Variants in FARP2 observed in about 807,000 individuals in gnomAD.
FARP2 encodes the protein FERM, ARHGEF and pleckstrin domain-containing protein 2.
Under a neutral mutation model 130.5 loss-of-function variants are expected in FARP2, and 111 were observed. The observed-to-expected ratio is 0.85, with a 90% CI of 0.73 to 1.00. The LOEUF is 1.00. Ranked by LOEUF, FARP2 falls within the 50% of genes least tolerant of loss-of-function variation. The pLI is 0.00. For missense variants in FARP2, 1,385 were observed against 1,346.3 expected (o/e 1.03, Z -0.45); for synonymous variants, 504 against 516.9 (o/e 0.98, Z 0.34).
At chr2:241,373,667 T>C (rs1229106618) in intron 2 of FARP2, among the ~76,000 whole-genome samples, 1 of 152,148 alleles carries the variant, frequency 6.6e-6, no homozygotes, top group African/African-American at 2.4e-5. Context: ...CTTCCATGTG[T>C]GTCAGCTTCC....
At chr2:241,430,937 T>A (rs1209604895) in intron 8 of FARP2, among the ~76,000 whole-genome samples, 2 of 151,280 alleles carry the variant, frequency 1.3e-5, no homozygotes, top group African/African-American at 4.9e-5. Context: ...GAGGCGGAGG[T>A]TACAGCGAAT....
chr2:241,478,996 G>A, intron 19 of FARP2: 1 of 495,262 alleles, frequency 2.0e-6, no homozygotes, highest in Non-Finnish European at 3.8e-6. Context: ...GGATGTGAGG[G>A]ACACAGTATT....
chr2:241,430,541 C>T (rs1307503651), intron 8 of FARP2, among the ~76,000 whole-genome samples: 1 of 152,172 alleles, frequency 6.6e-6, no homozygotes, highest in Non-Finnish European at 1.5e-5. Context: ...ATCATTCGCT[C>T]CTGTTACACT....
intron 1 of FARP2, among the ~76,000 whole-genome samples, chr2:241,366,385 T>G (rs1459230009): frequency 6.6e-6 from 1 of 151,732 alleles, no homozygotes; most frequent in East Asian, 1.9e-4. Flanking sequence ...TTGTTTAACA[T>G]AAAATCAGGA....
intron 26 of FARP2, chr2:241,493,783 GAC>G: frequency 4.1e-6 from 2 of 485,152 alleles, no homozygotes; most frequent in South Asian, 6.9e-5. Flanking sequence ...TTTTAGTAGA[GAC>G]AGGGTTTCAC....
intron 2 of FARP2, among the ~76,000 whole-genome samples, chr2:241,389,360 C>T (rs1186050995): frequency 4.6e-5 from 7 of 152,136 alleles, no homozygotes; most frequent in Non-Finnish European, 8.8e-5. Context: ...GAATTTTCTT[C>T]CTCTCTCTCT....
chr2:241,376,580 GC>G (rs576813979), intron 2 of FARP2, among the ~76,000 whole-genome samples: 168 of 152,258 alleles, frequency 1.1e-3, no homozygotes, highest in African/African-American at 3.8e-3. Context: ...GGCTTGTCCC[GC>G]CCCCCTTCCT....
At chr2:241,398,650 A>G (rs1490665711) in intron 2 of FARP2, among the ~76,000 whole-genome samples, 1 of 151,250 alleles carries the variant, frequency 6.6e-6, no homozygotes, top group Admixed American at 6.6e-5. Flanking sequence ...GCTCACTGCA[A>G]CCTCTGCCTC....
intron 13 of FARP2, chr2:241,446,328 A>G (rs1166543383): frequency 6.6e-6 from 1 of 152,194 alleles, no homozygotes; most frequent in East Asian, 1.9e-4. Flanking sequence ...GGGATGGACA[A>G]TAGCACACCA....
rs371732314 is a variant in FARP2, at chr2:241,468,311, C to T, written c.2065C>T (p.Arg689Cys). Reference protein sequence around the residue: ...LKPIQRLLHYRLLLRRLCGHY... With the variant: ...LKPIQRLLHYCLLLRRLCGHY... Reference sequence around the variant, plus strand: ...GCCCATCCAGCGGCTGCTGCACTACCGCCTGCTGCTGCGCCGCCTATGCGG... The same window carrying T: ...GCCCATCCAGCGGCTGCTGCACTACTGCCTGCTGCTGCGCCGCCTATGCGG... Residue 689 changes from arginine to cysteine, a missense_variant, in exon 18 of 27, where the codon CGC becomes TGC. Coordinates refer to ENST00000264042, the MANE Select transcript of FARP2 (RefSeq NM_014808.4). 4.3e-5 allele frequency: 69 copies of T among 1,613,498 alleles called. 1 individual carries two copies. In the Middle Eastern group the frequency reaches 1.3e-3, roughly 31 times the overall value.
At chr2:241,453,768 GGTTT>G (rs1203416937) in intron 13 of FARP2, among the ~76,000 whole-genome samples, 1,677 of 99,840 alleles carry the variant, frequency 0.017, 396 homozygotes, top group Admixed American at 0.12. Flanking sequence ...GGCACTTACT[GGTTT>G]TTTTTTTTTT....
At chr2:241,400,643 G>A (rs2062143694) in intron 2 of FARP2, among the ~76,000 whole-genome samples, 1 of 152,146 alleles carries the variant, frequency 6.6e-6, no homozygotes, top group Non-Finnish European at 1.5e-5. Context: ...GAATAGCCTG[G>A]GCATGTCATT....
At chr2:241,363,622 A>C (rs1269430689) in intron 1 of FARP2, among the ~76,000 whole-genome samples, 2 of 152,268 alleles carry the variant, frequency 1.3e-5, no homozygotes, top group Non-Finnish European at 1.5e-5. Context: ...GCTATGGGAT[A>C]GACCATCGCC....
chr2:241,462,990 C>T (rs1296250518), intron 15 of FARP2, among the ~76,000 whole-genome samples: 1 of 152,062 alleles, frequency 6.6e-6, no homozygotes, highest in Non-Finnish European at 1.5e-5. Flanking sequence ...CACCGCCCAG[C>T]CAAGAAATAT....
At chr2:241,433,318 T>C (rs2063139178) in intron 9 of FARP2, among the ~76,000 whole-genome samples, 1 of 152,198 alleles carries the variant, frequency 6.6e-6, no homozygotes, top group Non-Finnish European at 1.5e-5. Flanking sequence ...ACAGTCTTTG[T>C]GGAAGGTAAT....
Position 241,436,574 on chromosome 2 carries a change from A to C in FARP2, c.1158+36A>C, listed in dbSNP as rs777266222. 9.6e-6 allele frequency: 15 copies of C among 1,558,132 alleles called. No individual in the cohort carries two copies. In the East Asian group the frequency reaches 3.4e-4, roughly 35 times the overall value. ...TCCGGTTCAACATGGGGGCAGTAGG[A>C]GTTCCCTGTACTCTTTTGGAAAATA... is the stretch of plus-strand genomic sequence containing the variant. On this transcript the variant is annotated intron_variant, in intron 12 of 26. Coordinates refer to ENST00000264042, the MANE Select transcript of FARP2 (RefSeq NM_014808.4).
chr2:241,396,660 C>T (rs1369744366), intron 2 of FARP2, among the ~76,000 whole-genome samples: 2 of 152,130 alleles, frequency 1.3e-5, no homozygotes, highest in East Asian at 1.9e-4. Context: ...GTTAGAATGG[C>T]GATCATTAAA....
chr2:241,479,011 G>A (rs2064547087), intron 19 of FARP2: 3 of 513,750 alleles, frequency 5.8e-6, no homozygotes, highest in Non-Finnish European at 1.1e-5. Flanking sequence ...AGTATTGACA[G>A]CTGAAAAAAT....
chr2:241,449,355 G>A (rs2063591691), intron 13 of FARP2, among the ~76,000 whole-genome samples: 1 of 151,740 alleles, frequency 6.6e-6, no homozygotes, highest in South Asian at 2.1e-4. Flanking sequence ...TTCATTCATT[G>A]AGCCTCAGTT....
Sources: allele counts gnomAD v4.1 joint callset (sites outside exome capture counted in the v4.1 genomes callset), GRCh38; gene constraint gnomAD v4.1.1; transcripts MANE v1.5; gene names NCBI Gene and HGNC (gene_info 2026-07-23, HGNC 2026-07-21).